The following AFTPH variants were observed in gnomAD, a reference collection of about 807,000 sequenced individuals.
AFTPH encodes the protein aftiphilin.
AFTPH carries 7 observed loss-of-function variants against 72.5 expected under a neutral mutation model. The ratio of observed to expected loss-of-function variants is 0.10; its 90% confidence interval spans 0.05 to 0.18. The LOEUF is 0.18. AFTPH is among the 10% of genes least tolerant of loss of function. The pLI is 1.00. For missense variants in AFTPH, 979 were observed against 1,060.5 expected, an observed-to-expected ratio of 0.92 and a Z score of 1.07; for synonymous variants, 337 against 370.1, an observed-to-expected ratio of 0.91 and a Z score of 1.03.
Position 64,569,587 on chromosome 2 carries a change from C to G in AFTPH, c.2215-36C>G, listed in dbSNP as rs755010576. The G allele has an allele frequency of 5.0e-6, 8 of 1,600,440 alleles. No homozygotes were observed. The East Asian group carries it at 1.6e-4, about 31-fold the overall frequency. On this transcript the variant is annotated intron_variant, in intron 4 of 8. Transcript: ENST00000238856. ...ATTTCATTGTATGATAGATTATTCT[C>G]TAAATATATGTTCTTTCTGTCTAAC...
At chr2:64,575,701 ATATGTG>A (rs1218245365) in intron 6 of AFTPH, among the ~76,000 whole-genome samples, 5 of 115,666 alleles carry the variant, frequency 4.3e-5, no homozygotes, top group South Asian at 3.1e-4. Flanking sequence ...GTATGTGTGT[ATATGTG>A]TGTGTGTGTG....
chr2:64,591,821 A>G, intron 8 of AFTPH, 67 bp from the exon 10 acceptor site: 1 of 1,552,968 alleles, frequency 6.4e-7, no homozygotes, highest in African/African-American at 1.4e-5. Flanking sequence ...TTGAGAGTGG[A>G]TTGTCTCCCA....
intron 6 of AFTPH, among the ~76,000 whole-genome samples, chr2:64,573,631 C>G (rs10184493): frequency 0.35 from 53,701 of 151,796 alleles, 9,604 homozygotes; most frequent in South Asian, 0.39. Flanking sequence ...TGACCTTTAA[C>G]TAAACAATCT....
At chr2:64,550,298 G>T (rs1670949373) in intron 1 of AFTPH, among the ~76,000 whole-genome samples, 1 of 152,154 alleles carries the variant, frequency 6.6e-6, no homozygotes, top group South Asian at 2.1e-4. Context: ...TACCCAGGAG[G>T]CTGAGGCAGG....
At chr2:64,585,834 G>T (rs1195508619) in intron 8 of AFTPH, among the ~76,000 whole-genome samples, 2 of 124,872 alleles carry the variant, frequency 1.6e-5, no homozygotes, top group East Asian at 2.4e-4. Context: ...ATTAAGTATT[G>T]TGATCATAAA....
chr2:64,543,086 G>A (rs987799506), intron 1 of AFTPH, among the ~76,000 whole-genome samples: 2 of 152,196 alleles, frequency 1.3e-5, no homozygotes, highest in African/African-American at 4.8e-5. Flanking sequence ...TTTAATTTTA[G>A]TCATTCTGGT....
intron 1 of AFTPH, among the ~76,000 whole-genome samples, chr2:64,549,982 C>A (rs569914973): frequency 6.6e-6 from 1 of 152,132 alleles, no homozygotes; most frequent in Non-Finnish European, 1.5e-5. Context: ...ATTGATTTGA[C>A]TTCCTAAAAT....
chr2:64,566,479 T>G (rs1424176376), intron 2 of AFTPH, among the ~76,000 whole-genome samples: 2 of 152,160 alleles, frequency 1.3e-5, no homozygotes, highest in African/African-American at 2.4e-5. Flanking sequence ...AAGCATCAAC[T>G]TGTTTTTGTT....
intron 1 of AFTPH, among the ~76,000 whole-genome samples, chr2:64,540,373 C>G (rs1670167111): frequency 1.3e-5 from 2 of 152,036 alleles, no homozygotes; most frequent in South Asian, 4.1e-4. Flanking sequence ...GGAAAAATAG[C>G]TAGTAAACTC....
chr2:64,537,699 C>A (rs1669971128), intron 1 of AFTPH, among the ~76,000 whole-genome samples: 1 of 152,162 alleles, frequency 6.6e-6, no homozygotes, highest in Non-Finnish European at 1.5e-5. Context: ...CTTAAAGTAG[C>A]ATGCTTCCTA....
At chr2:64,585,985 T>C (rs1360835491) in intron 8 of AFTPH, among the ~76,000 whole-genome samples, 1 of 152,226 alleles carries the variant, frequency 6.6e-6, no homozygotes, top group Admixed American at 6.5e-5. Context: ...TTCATTGACA[T>C]GCACCTCTGA....
At chr2:64,547,987 T>C (rs990651301) in intron 1 of AFTPH, among the ~76,000 whole-genome samples, 4 of 151,876 alleles carry the variant, frequency 2.6e-5, no homozygotes, top group African/African-American at 9.7e-5. Context: ...GGTTACATCA[T>C]GTTGCCCAAG....
intron 1 of AFTPH, among the ~76,000 whole-genome samples, chr2:64,528,061 C>T (rs572191141): frequency 1.3e-5 from 2 of 152,262 alleles, no homozygotes; most frequent in South Asian, 4.1e-4. Context: ...TCACTGTCAC[C>T]CTTGTTCCAA....
chr2:64,569,631 G>A (rs768729996), exon 5 of AFTPH: 15 of 1,613,488 alleles, frequency 9.3e-6, no homozygotes, highest in East Asian at 2.2e-5. Context: ...AGCTCTTCAC[G>A]GGCAATAAGA....
intron 1 of AFTPH, among the ~76,000 whole-genome samples, chr2:64,543,987 G>A (rs1670409995): frequency 6.6e-6 from 1 of 152,134 alleles, no homozygotes; most frequent in African/African-American, 2.4e-5. Context: ...TACTAATCTG[G>A]CTTGGGGCTT....
At chr2:64,529,175 C>G (rs1045109160) in intron 1 of AFTPH, among the ~76,000 whole-genome samples, 1 of 151,952 alleles carries the variant, frequency 6.6e-6, no homozygotes, top group African/African-American at 2.4e-5. Flanking sequence ...CTGCCTGTAC[C>G]CTTCATATAT....
At chr2:64,526,754 C>T (rs957500383) in intron 1 of AFTPH, among the ~76,000 whole-genome samples, 8 of 152,290 alleles carry the variant, frequency 5.3e-5, no homozygotes, top group African/African-American at 1.9e-4. Flanking sequence ...TAATTGCTAA[C>T]ACATGAGCAG....
intron 1 of AFTPH, among the ~76,000 whole-genome samples, chr2:64,541,535 A>G (rs568787276): frequency 1.4e-3 from 212 of 152,298 alleles, no homozygotes; most frequent in Middle Eastern, 3.4e-3. Context: ...GAAAACCAAA[A>G]AGTTAACTAA....
At chr2:64,573,155 C>G (rs1672549051) in intron 6 of AFTPH, 87 bp downstream of exon 6, 1 of 1,007,992 alleles carries the variant, frequency 9.9e-7, no homozygotes, top group Non-Finnish European at 1.4e-6. Flanking sequence ...TCATTTATGA[C>G]TGTTTTAAAA....
Sources: gnomAD v4.1 joint callset for allele counts (sites outside exome capture counted in the v4.1 genomes callset) on GRCh38, gnomAD v4.1.1 for gene constraint, MANE v1.5 for transcripts, NCBI Gene and HGNC (gene_info 2026-07-23, HGNC 2026-07-21) for gene names.